The following PRLR variants were observed in gnomAD, a reference collection of about 807,000 sequenced individuals.
PRLR encodes prolactin receptor, also known as hPRL receptor.
A neutral mutation model predicts 40.2 loss-of-function variants in PRLR; 13 were observed. That is an observed-to-expected ratio of 0.32 (90% CI 0.21 to 0.51). The LOEUF (loss-of-function observed/expected upper bound fraction) is 0.51, where lower values mean the gene tolerates loss of function less well. PRLR is among the 20% of genes least tolerant of loss of function. PRLR has a pLI of 0.97. For missense variants in PRLR, 656 were observed against 747.3 expected, an observed-to-expected ratio of 0.88 and a Z score of 1.42; for synonymous variants, 269 against 278.7, an observed-to-expected ratio of 0.97 and a Z score of 0.35.
chr5:35,049,704 G>A (rs1180814059), intron 8 of PRLR, among the ~76,000 whole-genome samples: 1 of 151,984 alleles, frequency 6.6e-6, no homozygotes, highest in African/African-American at 2.4e-5. Flanking sequence ...TGTTTAATAA[G>A]TTCCTTTTGA....
chr5:35,155,181 G>C (rs1774452251), intron 1 of PRLR, among the ~76,000 whole-genome samples: 1 of 152,166 alleles, frequency 6.6e-6, no homozygotes, highest in East Asian at 1.9e-4. Flanking sequence ...TAAATCATAT[G>C]AATAAATATA....
intron 2 of PRLR, among the ~76,000 whole-genome samples, chr5:35,100,289 T>A (rs1156657430): frequency 6.6e-6 from 1 of 151,226 alleles, no homozygotes; most frequent in Non-Finnish European, 1.5e-5. Context: ...TTAAAAAAAA[T>A]TTGGTGTAGC....
intron 2 of PRLR, 50 bp from the exon 3 acceptor site, chr5:35,089,713 G>A (rs1174119415): frequency 3.5e-6 from 4 of 1,141,844 alleles, no homozygotes; most frequent in Non-Finnish European, 5.3e-6. Flanking sequence ...GTCTGGTCAG[G>A]CACATCCACC....
At chr5:35,125,282 G>T in intron 1 of PRLR, among the ~76,000 whole-genome samples, 1 of 152,220 alleles carries the variant, frequency 6.6e-6, no homozygotes, top group Non-Finnish European at 1.5e-5. Flanking sequence ...ACAATGATGG[G>T]TTGGACATGG....
rs779813878 is a variant in PRLR, at chr5:35,084,603, G to A, written c.240C>T (p.Thr80=). The change falls in exon 5 of 10, where the codon ACC becomes ACT. Residue 80 remains threonine, a synonymous_variant. Transcript: ENST00000618457. ...TLMHECPDYI[T]GGPNSCHFGK... is the part of the protein sequence containing the mutation. ...CAAAGTGGCAGGAGTTGGGGCCACC[G>A]GTTATGTAGTCTGGACATTCATGCA... 31 of 1,610,532 alleles carry A rather than the reference G, an allele frequency of 1.9e-5. No homozygotes were observed. Among genetic ancestry groups the A allele is most frequent in the East Asian group, 1.3e-4 (6 of 44,594 alleles).
Position 35,058,514 on chromosome 5 carries a change from C to A in PRLR, c.*6575G>T, listed in dbSNP as rs1461897829. ...TGGATTGTACTTTAAATGTGTAACACCCCAGAGCAGCTGTACAATGAATGA... is the reference window on the plus strand; with the variant it reads ...TGGATTGTACTTTAAATGTGTAACAACCCAGAGCAGCTGTACAATGAATGA... On this transcript the variant is annotated 3_prime_UTR_variant, in exon 10 of 10. Transcript: ENST00000618457. 2.0e-5 allele frequency: 3 copies of A among 152,162 alleles called. No homozygotes were observed. Among genetic ancestry groups the A allele is most frequent in the African/African-American group, 4.8e-5 (2 of 41,420 alleles). 9.4% of individuals were successfully genotyped at this position (152,162 alleles called of 1,614,324 possible).
At chr5:35,222,220 T>G (rs1353657509) in intron 1 of PRLR, among the ~76,000 whole-genome samples, 1 of 152,016 alleles carries the variant, frequency 6.6e-6, no homozygotes, top group Non-Finnish European at 1.5e-5. Context: ...GGAGACTAGC[T>G]TGAACCCGGG....
Position 35,215,605 on chromosome 5 carries a change from T to C in PRLR, c.-106+14663A>G, listed in dbSNP as rs1005279370. Among the ~76,000 whole-genome samples, 9 of 152,232 alleles carry C rather than the reference T, an allele frequency of 5.9e-5. No homozygotes were observed. In the Middle Eastern group the frequency reaches 0.01, roughly 173 times the overall value. Reference sequence around the variant, plus strand: ...TAACTCACTTGCTCCACAGCTTCACTCCTGGAAAATTAGAGCTGAGATCTA... The same window carrying C: ...TAACTCACTTGCTCCACAGCTTCACCCCTGGAAAATTAGAGCTGAGATCTA... On this transcript the variant is annotated intron_variant, in intron 1 of 9. Transcript: ENST00000618457.
chr5:35,129,106 G>C (rs1417194216), intron 1 of PRLR, among the ~76,000 whole-genome samples: 1 of 152,206 alleles, frequency 6.6e-6, no homozygotes, highest in Non-Finnish European at 1.5e-5. Context: ...GATAAAAAGA[G>C]ATGGTGTCAA....
At chr5:35,099,266 T>G (rs1771713029) in intron 2 of PRLR, among the ~76,000 whole-genome samples, 1 of 152,172 alleles carries the variant, frequency 6.6e-6, no homozygotes, top group South Asian at 2.1e-4. Flanking sequence ...CACTGTAGAC[T>G]GCATATATGG....
intron 1 of PRLR, among the ~76,000 whole-genome samples, chr5:35,211,693 T>A (rs1454022438): frequency 2.0e-5 from 3 of 152,220 alleles, no homozygotes; most frequent in African/African-American, 7.2e-5. Context: ...GGAAATTTTT[T>A]AAGAAATCTG....
intron 2 of PRLR, among the ~76,000 whole-genome samples, chr5:35,104,096 C>T (rs1048562805): frequency 5.9e-5 from 9 of 152,084 alleles, no homozygotes; most frequent in South Asian, 2.1e-4. Flanking sequence ...TTAGCACAAA[C>T]GTTCTGAGAA....
At chr5:35,190,882 T>C (rs941336163) in intron 1 of PRLR, among the ~76,000 whole-genome samples, 4 of 152,126 alleles carry the variant, frequency 2.6e-5, no homozygotes, top group Admixed American at 2.6e-4. Context: ...TTGAACCTGG[T>C]AATGAGCAAA....
chr5:35,111,087 A>G (rs763390268), intron 2 of PRLR, among the ~76,000 whole-genome samples: 2 of 152,210 alleles, frequency 1.3e-5, no homozygotes, highest in Non-Finnish European at 2.9e-5. Context: ...CATAGAAGGT[A>G]TTCAATAAAT....
intron 5 of PRLR, among the ~76,000 whole-genome samples, chr5:35,078,149 A>G (rs1770241990): frequency 6.6e-6 from 1 of 152,198 alleles, no homozygotes; most frequent in African/African-American, 2.4e-5. Flanking sequence ...GAAGAACTAG[A>G]GAAGCAAGAG....
chr5:35,062,004 T>C lies in PRLR; in HGVS notation c.*3085A>G, dbSNP rs1769065565. On this transcript the variant is annotated 3_prime_UTR_variant, in exon 10 of 10. Coordinates refer to ENST00000618457, the MANE Select transcript of PRLR (RefSeq NM_000949.7). ...TCAATCTCCTGCCTCTTTTTTTAAATGCCTCTTTCTACACATATATTTGCA... is the reference window on the plus strand; with the variant it reads ...TCAATCTCCTGCCTCTTTTTTTAAACGCCTCTTTCTACACATATATTTGCA... 6.6e-6 allele frequency: 1 copy of C among 152,192 alleles called. No homozygotes were observed. The highest frequency in any genetic ancestry group is 1.5e-5 in the Non-Finnish European group (1 of 68,034). The allele number at this position is 152,192 out of a possible 1,614,324, so 9.4% of individuals were successfully genotyped here. A position where few individuals can be genotyped will look rare whatever the true frequency, so the allele number is the denominator to read the frequency against.
In PRLR at chr5:35,057,370, C is replaced by T. The variant is rs1365715381; in HGVS notation, c.*7719G>A. The T allele has an allele frequency of 6.6e-6, 1 of 152,072 alleles. No individual in the cohort carries two copies. Among genetic ancestry groups the T allele is most frequent in the Non-Finnish European group, 1.5e-5 (1 of 67,992 alleles). 9.4% of individuals were successfully genotyped at this position (152,072 alleles called of 1,614,324 possible). The stretch of plus-strand genomic sequence containing the variant: ...TCAGCCATGAATGTGTTATTTTGCT[C>T]ATCTCCATTTCAAATAAAAAAATAG... On this transcript the variant is annotated 3_prime_UTR_variant, in exon 10 of 10. Transcript: ENST00000618457.
At chr5:35,178,529 C>T (rs971395327) in intron 1 of PRLR, among the ~76,000 whole-genome samples, 4 of 152,086 alleles carry the variant, frequency 2.6e-5, no homozygotes, top group Non-Finnish European at 4.4e-5. Flanking sequence ...GTTGGGTTAA[C>T]GGTATTAGTT....
intron 1 of PRLR, among the ~76,000 whole-genome samples, chr5:35,186,441 T>A (rs1326613043): frequency 6.6e-6 from 1 of 152,186 alleles, no homozygotes; most frequent in Non-Finnish European, 1.5e-5. Flanking sequence ...TGCCAAGCCA[T>A]CTAGACTACA....
Sources: allele counts gnomAD v4.1 joint callset (sites outside exome capture counted in the v4.1 genomes callset), GRCh38; gene constraint gnomAD v4.1.1; transcripts MANE v1.5; gene names NCBI Gene and HGNC (gene_info 2026-07-23, HGNC 2026-07-21).